CHRM3: variants seen among roughly 807,000 people sequenced by gnomAD.
CHRM3 encodes the protein cholinergic receptor muscarinic 3.
In CHRM3, 11 loss-of-function variants were observed where a neutral mutation model predicts 41.8. The ratio of observed to expected loss-of-function variants is 0.26; its 90% CI spans 0.17 to 0.44. The LOEUF (loss-of-function observed/expected upper bound fraction) is 0.44, where lower values mean the gene tolerates loss of function less well. Among genes scored for constraint, CHRM3 ranks in the 20% least tolerant of loss-of-function variants. CHRM3 has a pLI of 1.00. For synonymous variants in CHRM3, 297 were observed against 301.4 expected (o/e 0.99, Z 0.15); for missense variants, 571 against 745.4 (o/e 0.77, Z 2.72).
chr1:239,648,142 G>GAAAGATTCTCTAGGGGGCCGCTCTGCCCT (rs1671903955), intron 4 of CHRM3, among the ~76,000 whole-genome samples: 2 of 152,116 alleles, frequency 1.3e-5, no homozygotes, highest in South Asian at 4.1e-4. Context: ...TACCCTGAAA[G>GAAAGATTCTCTAGGGGGCCGCTCTGCCCT]AAAGATTCTC....
At chr1:239,824,173 T>C (rs918441195) in intron 5 of CHRM3, among the ~76,000 whole-genome samples, 2 of 152,112 alleles carry the variant, frequency 1.3e-5, no homozygotes, top group Admixed American at 6.6e-5. Flanking sequence ...CTCTAAAATA[T>C]AACCACTTGT....
intron 5 of CHRM3, among the ~76,000 whole-genome samples, chr1:239,798,201 A>G (rs906840677): frequency 2.0e-5 from 3 of 152,172 alleles, no homozygotes; most frequent in African/African-American, 7.2e-5. Flanking sequence ...TTGTAAGAAT[A>G]TAGTATATAA....
At chr1:239,728,385 G>A in intron 5 of CHRM3, among the ~76,000 whole-genome samples, 1 of 151,938 alleles carries the variant, frequency 6.6e-6, no homozygotes, top group East Asian at 1.9e-4. Context: ...TCTGATAAAG[G>A]AAGTAATGTA....
chr1:239,820,612 T>C (rs1671963316), intron 5 of CHRM3, among the ~76,000 whole-genome samples: 1 of 152,088 alleles, frequency 6.6e-6, no homozygotes, highest in Non-Finnish European at 1.5e-5. Context: ...AGAGAGACTT[T>C]GAGGCTTTTT....
chr1:239,895,615 A>C (rs12071446), intron 6 of CHRM3, among the ~76,000 whole-genome samples: 15,007 of 152,266 alleles, frequency 0.099, 2,095 homozygotes, highest in African/African-American at 0.32. Flanking sequence ...TGTAGTACAC[A>C]TACACTGTGG....
chr1:239,440,535 G>A (rs973009883), intron 1 of CHRM3, among the ~76,000 whole-genome samples: 49 of 152,188 alleles, frequency 3.2e-4, no homozygotes, highest in African/African-American at 6.8e-4. Context: ...GCTGGTCTTA[G>A]ACAATATGCA....
chr1:239,830,325 T>C (rs1672791825), intron 6 of CHRM3, among the ~76,000 whole-genome samples: 1 of 152,212 alleles, frequency 6.6e-6, no homozygotes, highest in African/African-American at 2.4e-5. Flanking sequence ...AGTCAAAATA[T>C]GTGTGACTTA....
intron 2 of CHRM3, among the ~76,000 whole-genome samples, chr1:239,540,935 A>G (rs1658713559): frequency 6.6e-6 from 1 of 152,214 alleles, no homozygotes; most frequent in Admixed American, 6.5e-5. Context: ...AATAAATGCT[A>G]TGTTAAAAGC....
intron 5 of CHRM3, among the ~76,000 whole-genome samples, chr1:239,691,153 C>A (rs1316818650): frequency 6.6e-6 from 1 of 151,980 alleles, no homozygotes; most frequent in Non-Finnish European, 1.5e-5. Context: ...GGTCACCAGA[C>A]CCCCATGGTC....
At chr1:239,721,048 A>G (rs1436664475) in intron 5 of CHRM3, among the ~76,000 whole-genome samples, 1 of 151,952 alleles carries the variant, frequency 6.6e-6, no homozygotes, top group African/African-American at 2.4e-5. Flanking sequence ...TTTAATAATC[A>G]TGATTTTATT....
At chr1:239,529,903 A>AT (rs1201582362) in intron 2 of CHRM3, among the ~76,000 whole-genome samples, 3 of 151,448 alleles carry the variant, frequency 2.0e-5, no homozygotes, top group Admixed American at 6.6e-5. Context: ...TATTATTATT[A>AT]TTATTTTTTT....
At chr1:239,415,369 G>A (rs534445909) in intron 1 of CHRM3, among the ~76,000 whole-genome samples, 1 of 152,198 alleles carries the variant, frequency 6.6e-6, no homozygotes, top group Non-Finnish European at 1.5e-5. Flanking sequence ...GAGCCCAGGG[G>A]ACGGAGGTTG....
At chr1:239,455,884 T>C (rs1168564534) in intron 1 of CHRM3, among the ~76,000 whole-genome samples, 1 of 152,170 alleles carries the variant, frequency 6.6e-6, no homozygotes, top group African/African-American at 2.4e-5. Context: ...CACTCACCAC[T>C]CACTCACTGT....
chr1:239,636,156 C>T (rs944441757), intron 4 of CHRM3, among the ~76,000 whole-genome samples: 6 of 151,964 alleles, frequency 3.9e-5, no homozygotes, highest in Non-Finnish European at 5.9e-5. Context: ...CTAAACCTGG[C>T]GCATGCACAA....
intron 5 of CHRM3, among the ~76,000 whole-genome samples, chr1:239,760,384 A>G (rs1435491593): frequency 6.6e-6 from 1 of 152,054 alleles, no homozygotes; most frequent in Non-Finnish European, 1.5e-5. Context: ...TTGCCTGAAA[A>G]AAAAATATGT....
chr1:239,664,967 T>G (rs2149031138), intron 4 of CHRM3, among the ~76,000 whole-genome samples: 1 of 152,136 alleles, frequency 6.6e-6, no homozygotes, highest in African/African-American at 2.4e-5. Flanking sequence ...CTGAGGAAAC[T>G]AGAACCCACA....
chr1:239,796,584 A>G (rs1033155206), intron 5 of CHRM3, among the ~76,000 whole-genome samples: 1 of 152,052 alleles, frequency 6.6e-6, no homozygotes, highest in African/African-American at 2.4e-5. Context: ...CTTAATGCAC[A>G]TGGCCGTGGT....
intron 4 of CHRM3, among the ~76,000 whole-genome samples, chr1:239,667,418 T>C (rs1278708396): frequency 6.6e-6 from 1 of 152,178 alleles, no homozygotes; most frequent in African/African-American, 2.4e-5. Flanking sequence ...GTGCGGAGAC[T>C]CATGCAGACA....
rs189456286 is a variant in CHRM3 at position 239,555,082 on chromosome 1, T to C, written c.-313+9333T>C. 1.7e-3 allele frequency among the ~76,000 whole-genome samples: 264 copies of C among 152,272 alleles called. 2 individuals carry two copies. The highest frequency in any genetic ancestry group is 6.0e-3 in the African/African-American group (248 of 41,562). ...AATCATTCTAAAATATTTGTAGGTGTTGTAGAATCTAAAGGAAAAATCCTC... is the reference window on the plus strand; with the variant it reads ...AATCATTCTAAAATATTTGTAGGTGCTGTAGAATCTAAAGGAAAAATCCTC... On this transcript the variant is annotated intron_variant, in intron 3 of 6. Transcript: ENST00000676153.
Sources: allele counts gnomAD v4.1 joint callset (sites outside exome capture counted in the v4.1 genomes callset), GRCh38; gene constraint gnomAD v4.1.1; transcripts MANE v1.5; gene names NCBI Gene and HGNC (gene_info 2026-07-23, HGNC 2026-07-21).